GRIK4: variants seen among roughly 807,000 people sequenced by gnomAD.
The protein encoded by GRIK4 is glutamate receptor ionotropic, kainate 4.
In GRIK4, 40 loss-of-function variants were observed where a neutral mutation model predicts 104.9. The ratio of observed to expected loss-of-function variants is 0.38; its 90% CI spans 0.30 to 0.50. The LOEUF is 0.50. Ranked by LOEUF, GRIK4 falls within the 20% of genes least tolerant of loss-of-function variation. GRIK4 has a pLI of 0.93. For missense variants in GRIK4, 1,047 were observed against 1,308.1 expected, an observed-to-expected ratio of 0.80 and a Z score of 3.08; for synonymous variants, 485 against 524.9, an observed-to-expected ratio of 0.92 and a Z score of 1.04.
chr11:120,608,161 A>AG (rs1430240974), intron 1 of GRIK4, among the ~76,000 whole-genome samples: 3 of 152,150 alleles, frequency 2.0e-5, no homozygotes, highest in African/African-American at 4.8e-5. Flanking sequence ...AAGGTGTGTA[A>AG]GGTCAGAGAT....
At chr11:120,924,903 C>T (rs1262840161) in intron 13 of GRIK4, among the ~76,000 whole-genome samples, 1 of 152,210 alleles carries the variant, frequency 6.6e-6, no homozygotes, top group African/African-American at 2.4e-5. Flanking sequence ...GCAGGGATTC[C>T]TGAGAAAATG....
chr11:120,784,404 G>T (rs1952222993), intron 3 of GRIK4, among the ~76,000 whole-genome samples: 2 of 152,096 alleles, frequency 1.3e-5, no homozygotes, highest in African/African-American at 4.8e-5. Flanking sequence ...CCATATTCTT[G>T]CAAAGAACTC....
At chr11:120,703,685 A>G (rs1024955955) in intron 3 of GRIK4, among the ~76,000 whole-genome samples, 2 of 152,106 alleles carry the variant, frequency 1.3e-5, no homozygotes, top group African/African-American at 4.8e-5. Context: ...TGAGCAGCAA[A>G]TCATTTAAAT....
At chr11:120,679,122 A>C (rs1179397050) in intron 3 of GRIK4, among the ~76,000 whole-genome samples, 4 of 152,164 alleles carry the variant, frequency 2.6e-5, no homozygotes, top group Non-Finnish European at 5.9e-5. Context: ...AGTATTTATT[A>C]TGTGCCAGGC....
intron 1 of GRIK4, among the ~76,000 whole-genome samples, chr11:120,621,956 G>A (rs868096587): frequency 1.3e-5 from 2 of 151,694 alleles, no homozygotes; most frequent in East Asian, 1.9e-4. Context: ...GCTGGAGTCC[G>A]GTGGTGCAAT....
intron 16 of GRIK4, among the ~76,000 whole-genome samples, chr11:120,960,435 G>T (rs1944263433): frequency 6.6e-6 from 1 of 152,224 alleles, no homozygotes; most frequent in South Asian, 2.1e-4. Flanking sequence ...GCTTCCGTGA[G>T]CTCTAGGGAT....
chr11:120,681,784 G>T (rs953364511), intron 3 of GRIK4, among the ~76,000 whole-genome samples: 1 of 152,244 alleles, frequency 6.6e-6, no homozygotes, highest in African/African-American at 2.4e-5. Context: ...AAATGGGCTG[G>T]AGGGGACAGA....
At chr11:120,937,519 C>T (rs1435808317) in intron 13 of GRIK4, among the ~76,000 whole-genome samples, 1 of 152,216 alleles carries the variant, frequency 6.6e-6, no homozygotes, top group Non-Finnish European at 1.5e-5. Context: ...CTTCTTTCAG[C>T]TTGTCACTGC....
intron 3 of GRIK4, among the ~76,000 whole-genome samples, chr11:120,769,958 A>G (rs1037489193): frequency 6.6e-6 from 1 of 152,176 alleles, no homozygotes; most frequent in African/African-American, 2.4e-5. Context: ...TAACCAATAT[A>G]TAATTAATTC....
chr11:120,560,279 C>T (rs1296784806), intron 1 of GRIK4, among the ~76,000 whole-genome samples: 4 of 152,028 alleles, frequency 2.6e-5, no homozygotes, highest in East Asian at 3.9e-4. Flanking sequence ...CTCAAACTCC[C>T]GACCTCAGGT....
intron 4 of GRIK4, among the ~76,000 whole-genome samples, chr11:120,803,730 G>A (rs184993878): frequency 1.6e-4 from 24 of 152,292 alleles, no homozygotes; most frequent in East Asian, 1.3e-3. Flanking sequence ...GAGCCACTGC[G>A]CCCAGCCTAT....
chr11:120,626,717 C>T (rs760086240), intron 1 of GRIK4, among the ~76,000 whole-genome samples: 23 of 152,144 alleles, frequency 1.5e-4, no homozygotes, highest in African/African-American at 5.3e-4. Flanking sequence ...TCAAGGACTC[C>T]GCAGCTGCTG....
At chr11:120,623,807 TG>T (rs1949219508) in intron 1 of GRIK4, among the ~76,000 whole-genome samples, 1 of 152,032 alleles carries the variant, frequency 6.6e-6, no homozygotes, top group Admixed American at 6.5e-5. Flanking sequence ...TCCTCCATGG[TG>T]GCAGGATGGG....
chr11:120,561,697 C>T (rs1196362381), intron 1 of GRIK4, among the ~76,000 whole-genome samples: 5 of 152,238 alleles, frequency 3.3e-5, no homozygotes, highest in Admixed American at 3.3e-4. Flanking sequence ...CTCTTTACTA[C>T]CACACGATTC....
intron 3 of GRIK4, among the ~76,000 whole-genome samples, chr11:120,663,746 C>T (rs1949857411): frequency 6.6e-6 from 1 of 152,164 alleles, no homozygotes; most frequent in Admixed American, 6.5e-5. Flanking sequence ...CTATAGTGCT[C>T]TTCCTCCCGT....
chr11:120,649,503 A>G (rs1462019129), intron 1 of GRIK4, among the ~76,000 whole-genome samples: 1 of 152,146 alleles, frequency 6.6e-6, no homozygotes, highest in Non-Finnish European at 1.5e-5. Context: ...CTTTGTCACG[A>G]ACAGCCGTTC....
chr11:120,947,412 A>AG (rs969505318), intron 14 of GRIK4, among the ~76,000 whole-genome samples: 2 of 152,068 alleles, frequency 1.3e-5, no homozygotes, highest in Admixed American at 6.6e-5. Context: ...AAAAAAAAAA[A>AG]AAAAAGTGAT....
intron 3 of GRIK4, among the ~76,000 whole-genome samples, chr11:120,712,190 G>A (rs1950746057): frequency 6.6e-6 from 1 of 152,204 alleles, no homozygotes; most frequent in Non-Finnish European, 1.5e-5. Flanking sequence ...CACCCAGCCT[G>A]CCCTTGGGGG....
At chr11:120,644,711 G>A (rs1398567225) in intron 1 of GRIK4, among the ~76,000 whole-genome samples, 1 of 152,170 alleles carries the variant, frequency 6.6e-6, no homozygotes, top group South Asian at 2.1e-4. Context: ...CCAGTAGAAG[G>A]GGAGAAGGCG....
Sources: allele counts gnomAD v4.1 joint callset (sites outside exome capture counted in the v4.1 genomes callset), GRCh38; gene constraint gnomAD v4.1.1; transcripts MANE v1.5; gene names NCBI Gene and HGNC (gene_info 2026-07-23, HGNC 2026-07-21).